MKI67: variants seen among roughly 807,000 people sequenced by gnomAD.
MKI67 encodes marker of proliferation Ki-67, also known as proliferation marker protein Ki-67.
A neutral mutation model predicts 233.5 loss-of-function variants in MKI67; 152 were observed. The ratio of observed to expected loss-of-function variants is 0.65; its 90% CI spans 0.57 to 0.74. The LOEUF (loss-of-function observed/expected upper bound fraction) is 0.74, where lower values mean the gene tolerates loss of function less well. Ranked by LOEUF, MKI67 falls within the 30% of genes least tolerant of loss-of-function variation. The pLI, the probability that MKI67 is intolerant of heterozygous loss-of-function variation, is 0.00. For missense variants in MKI67, 3,940 were observed against 3,885.2 expected, an observed-to-expected ratio of 1.01 and a Z score of -0.37; for synonymous variants, 1,465 against 1,418.5, an observed-to-expected ratio of 1.03 and a Z score of -0.74.
At chr10:128,109,575 A>C in intron 12 of MKI67, 152 bp from the exon 13 acceptor site, 1 of 840,192 alleles carries the variant, frequency 1.2e-6, no homozygotes, top group Non-Finnish European at 1.8e-6. Flanking sequence ...AATCTGTCTT[A>C]TAAGAGCCAT....
intron 6 of MKI67, 27 bp downstream of exon 6, chr10:128,116,464 C>A (rs745855630): frequency 5.0e-6 from 8 of 1,608,226 alleles, no homozygotes; most frequent in Non-Finnish European, 6.8e-6. Flanking sequence ...TTTCAGGATT[C>A]TGGAACAAAA....
At chr10:128,124,292 T>G (rs1853011487) in intron 2 of MKI67, among the ~76,000 whole-genome samples, 1 of 152,140 alleles carries the variant, frequency 6.6e-6, no homozygotes, top group Non-Finnish European at 1.5e-5. Flanking sequence ...AACTGAGAAT[T>G]TGTTTGGCAG....
rs993905837 is a variant in MKI67 at position 128,115,256 on chromosome 10, C to A, written c.1152G>T (p.Lys384Asn). 3.7e-6 allele frequency: 6 copies of A among 1,614,208 alleles called. No individual in the cohort carries two copies. The highest frequency in any genetic ancestry group is 4.2e-6 in the Non-Finnish European group (5 of 1,180,026). The stretch of plus-strand genomic sequence containing the variant: ...TGGGAGTAAGAGTTTTATCACCAGC[C>A]TTGAAGCCTTCACTTTTACCCAGAT... Reference protein sequence around the residue: ...SVNLGKSEGFKAGDKTLTPRK... With the variant: ...SVNLGKSEGFNAGDKTLTPRK... The change falls in exon 7 of 15, where the codon AAG (lysine) becomes AAT (asparagine). Residue 384 changes from lysine to asparagine, a missense_variant. Lys to Asn is a moderately conservative substitution (Grantham distance 94). Transcript: ENST00000368654.
rs1036531634 is a variant in MKI67 at position 128,125,750 on chromosome 10, T to C, written c.-83A>G. 5 of 1,144,994 alleles carry C rather than the reference T, an allele frequency of 4.4e-6. No individual in the cohort carries two copies. The highest frequency in any genetic ancestry group is 6.6e-6 in the Non-Finnish European group (5 of 755,004). 70.9% of individuals were successfully genotyped at this position (1,144,994 alleles called of 1,614,324 possible). ...GGAAGGCCAGAAGCAAATTTACAAC[T>C]CTTCCACTGCAAAAGAGGTGCGAGT... On this transcript the variant is annotated 5_prime_UTR_variant, in exon 2 of 15. Coordinates refer to ENST00000368654, the MANE Select transcript of MKI67 (RefSeq NM_002417.5). This position sits in a 1 kb window ranked among gnomAD's most constrained non-coding sequence, Gnocchi z 5.3.
chr10:128,106,427 T>C lies in MKI67; in HGVS notation c.5413A>G (p.Lys1805Glu). 6.2e-7 allele frequency: 1 copy of C among 1,613,546 alleles called. No individual in the cohort carries two copies. Among genetic ancestry groups the C allele is most frequent in the East Asian group, 2.2e-5 (1 of 44,806 alleles). Residue 1805 changes from lysine to glutamate, a missense_variant, in exon 13 of 15, where the codon AAA becomes GAA. Transcript: ENST00000368654. ...INTFLGTPVQ[K>E]LDQPGNLPGS... The stretch of plus-strand genomic sequence containing the variant: ...GGTAAATTTCCTGGCTGGTCCAGTT[T>C]CTGCACTGGAGTTCCCAAAAACGTG...
chr10:128,108,342 T>A lies in MKI67; in HGVS notation c.3498A>T (p.Leu1166=). ...VEEEFLALRK[L]TPSAGKAMLT... ...GCATGGCTTTCCCTGCTGATGGTGT[T>A]AGTTTCCTGAGTGCTAAGAATTCTT... Residue 1166 remains leucine (L), a synonymous_variant, in exon 13 of 15, where the codon CTA becomes CTT. Coordinates refer to ENST00000368654, the MANE Select transcript of MKI67 (RefSeq NM_002417.5). 1 of 1,614,122 alleles carries A rather than the reference T, an allele frequency of 6.2e-7. No homozygotes were observed. The highest frequency in any genetic ancestry group is 1.1e-5 in the South Asian group (1 of 91,084).
Position 128,115,137 on chromosome 10 carries a change from C to T in MKI67, c.1271G>A (p.Gly424Glu). 1.2e-6 allele frequency: 2 copies of T among 1,614,218 alleles called. No individual in the cohort carries two copies. Among genetic ancestry groups the T allele is most frequent in the Non-Finnish European group, 1.7e-6 (2 of 1,180,044 alleles). ...KPENLSSKTR[G>E]SIPTDVEVLP... The stretch of plus-strand genomic sequence containing the variant: ...AACTTCCACATCTGTAGGAATACTT[C>T]CTCTGGTTTTGGAAGAGAGATTTTC... The change falls in exon 7 of 15, where the codon GGA (glycine) becomes GAA (glutamate). Residue 424 changes from glycine to glutamate, a missense_variant. Gly to Glu is a moderately conservative substitution (Grantham distance 98). Transcript: ENST00000368654.
chr10:128,097,459 A>G lies in MKI67; in HGVS notation c.*1731T>C, dbSNP rs1308560658. ...AGAAAAGGTGCTGACATACTTCAGCAAGATTTCTGGTTAGAGCTGAACTCT... is the reference window on the plus strand; with the variant it reads ...AGAAAAGGTGCTGACATACTTCAGCGAGATTTCTGGTTAGAGCTGAACTCT... On this transcript the variant is annotated 3_prime_UTR_variant, in exon 15 of 15. Transcript: ENST00000368654. 6.6e-6 allele frequency: 1 copy of G among 152,186 alleles called. No individual in the cohort carries two copies. The highest frequency in any genetic ancestry group is 1.5e-5 in the Non-Finnish European group (1 of 68,032). The allele number at this position is 152,186 out of a possible 1,614,324, so 9.4% of individuals were successfully genotyped here. A position where few individuals can be genotyped will look rare whatever the true frequency, so the allele number is the denominator to read the frequency against.
In MKI67 at chr10:128,103,568, C is replaced by T. The variant is rs1852396757; in HGVS notation, c.8272G>A (p.Gly2758Ser). The T allele has an allele frequency of 6.2e-7, 1 of 1,614,022 alleles. No individual in the cohort carries two copies. Among genetic ancestry groups the T allele is most frequent in the South Asian group, 1.1e-5 (1 of 91,080 alleles). The change falls in exon 13 of 15, where the codon GGT becomes AGT. Residue 2758 changes from glycine (G) to serine (S), a missense_variant. Coordinates refer to ENST00000368654, the MANE Select transcript of MKI67 (RefSeq NM_002417.5). ...ETTDADKEPA[G>S]EDKGIKALKE... is the part of the protein sequence containing the mutation. The stretch of plus-strand genomic sequence containing the variant: ...AATGCTTTGATGCCTTTATCTTCAC[C>T]TGCTGGTTCTTTGTCTGCATCCGTG...
rs1430549923 is a variant in MKI67, at chr10:128,097,463, T to C, written c.*1727A>G. 1 of 152,184 alleles carries C rather than the reference T, an allele frequency of 6.6e-6. No individual in the cohort carries two copies. The highest frequency in any genetic ancestry group is 1.5e-5 in the Non-Finnish European group (1 of 68,034). The allele number at this position is 152,184 out of a possible 1,614,324, so 9.4% of individuals were successfully genotyped here. ...AAGGTGCTGACATACTTCAGCAAGA[T>C]TTCTGGTTAGAGCTGAACTCTAAAG... On this transcript the variant is annotated 3_prime_UTR_variant, in exon 15 of 15. Coordinates refer to ENST00000368654, the MANE Select transcript of MKI67 (RefSeq NM_002417.5).
chr10:128,116,415 T>G (rs1402099841), intron 6 of MKI67, 76 bp downstream of exon 6: 65 of 1,302,696 alleles, frequency 5.0e-5, no homozygotes, highest in Non-Finnish European at 6.9e-5. Flanking sequence ...GCATTCTTGT[T>G]GCCCCTTCTT....
At position 128,115,492 on chromosome 10, in the gene MKI67, G is replaced by A; in HGVS notation, c.916C>T (p.Pro306Ser). Reference sequence around the variant, plus strand: ...TCAAGCTCTTGTTCAGGTGAAGCAGGCTCTGCCACAGCGTGGCCGCTCCCA... The same window carrying A: ...TCAAGCTCTTGTTCAGGTGAAGCAGACTCTGCCACAGCGTGGCCGCTCCCA... Reference protein sequence around the residue: ...SGGSGHAVAEPASPEQELDQN... With the variant: ...SGGSGHAVAESASPEQELDQN... The change falls in exon 7 of 15, where the codon CCT becomes TCT. Residue 306 changes from proline to serine, a missense_variant. By Grantham distance (74) the Pro-to-Ser change is moderately conservative. Transcript: ENST00000368654. 1 of 1,614,090 alleles carries A rather than the reference G, an allele frequency of 6.2e-7. No homozygotes were observed. The highest frequency in any genetic ancestry group is 1.3e-5 in the African/African-American group (1 of 75,038).
rs537881013 is a variant in MKI67 at position 128,123,088 on chromosome 10, C to A, written c.171+3G>T. Reference sequence around the variant, plus strand: ...AAAGTAGATCTTCAAAAAACCCACTCACCTCCTGCTCATGGATTTCAATTT... The same window carrying A: ...AAAGTAGATCTTCAAAAAACCCACTAACCTCCTGCTCATGGATTTCAATTT... On this transcript the variant is annotated splice_donor_region_variant and intron_variant, in intron 3 of 14. Transcript: ENST00000368654. The A allele has an allele frequency of 1.6e-5, 25 of 1,612,704 alleles. No individual in the cohort carries two copies. The highest frequency in any genetic ancestry group is 5.0e-5 in the Admixed American group (3 of 59,976).
chr10:128,105,261 G>T lies in MKI67; in HGVS notation c.6579C>A (p.Asp2193Glu), dbSNP rs1380927524. Reference sequence around the variant, plus strand: ...GGAAGAGCTCTTTCAAGCCAGCCAAGTCTTCTAGGGGTTGGGCTTTTCCCT... The same window carrying T: ...GGAAGAGCTCTTTCAAGCCAGCCAATTCTTCTAGGGGTTGGGCTTTTCCCT... The part of the protein sequence containing the change: ...TPKGKAQPLE[D>E]LAGLKELFQT... The change falls in exon 13 of 15, where the codon GAC becomes GAA. Residue 2193 changes from aspartate (D) to glutamate (E), a missense_variant. Transcript: ENST00000368654. 1.9e-6 allele frequency: 3 copies of T among 1,613,952 alleles called. No individual in the cohort carries two copies. In the African/African-American group the frequency reaches 4.0e-5, roughly 22 times the overall value.
rs1331681732 is a variant in MKI67, at chr10:128,115,695, CA to C, written c.712del (p.Trp238GlyfsTer7). ...DNSKKNESPF[W>X]KLYESVKKEL... ...TTTCTTCACTGACTCATAAAGCTTC[CA>C]AAAGGGAGATTCATTTTTTTTGCTA... is the stretch of plus-strand genomic sequence containing the variant. On this transcript the variant is annotated frameshift_variant, in exon 7 of 15. Transcript: ENST00000368654. LOFTEE classifies it high-confidence loss of function. The C allele has an allele frequency of 1.9e-6, 3 of 1,613,848 alleles. No individual in the cohort carries two copies. Among genetic ancestry groups the C allele is most frequent in the Non-Finnish European group, 2.5e-6 (3 of 1,180,000 alleles).
intron 13 of MKI67, among the ~76,000 whole-genome samples, chr10:128,102,162 T>A (rs767660864): frequency 1.3e-5 from 2 of 152,188 alleles, no homozygotes; most frequent in Non-Finnish European, 2.9e-5. Flanking sequence ...CAGTTTCCCC[T>A]TCTCAAGAAT....
At position 128,108,116 on chromosome 10, in the gene MKI67, C is replaced by T. The variant is rs769131854; in HGVS notation, c.3724G>A (p.Ala1242Thr). The T allele has an allele frequency of 6.2e-7, 1 of 1,612,502 alleles. No homozygotes were observed. Among genetic ancestry groups the T allele is most frequent in the South Asian group, 1.1e-5 (1 of 91,010 alleles). The part of the protein sequence containing the change: ...QTPGHTEELV[A>T]AGKTTKIPCD... ...GGTATTTTAGTGGTTTTACCAGCAG[C>T]CACTAATTCCTCGGTGTGACCAGGA... Residue 1242 changes from alanine to threonine, a missense_variant, in exon 13 of 15, where the codon GCT (alanine) becomes ACT (threonine). Transcript: ENST00000368654.
chr10:128,119,160 G>T, intron 5 of MKI67, 93 bp downstream of exon 5: 2 of 934,192 alleles, frequency 2.1e-6, no homozygotes. Flanking sequence ...CACCCTCTTT[G>T]TAACTGATTT....
intron 13 of MKI67, 143 bp from the exon 14 acceptor site, chr10:128,101,844 C>T: frequency 2.9e-6 from 2 of 682,102 alleles, no homozygotes; most frequent in Non-Finnish European, 4.8e-6. Flanking sequence ...AGAGACTTGT[C>T]ATCTAGGATA....
Sources: gnomAD v4.1 joint callset for allele counts (sites outside exome capture counted in the v4.1 genomes callset) on GRCh38, gnomAD v4.1.1 for gene constraint, Gnocchi (gnomAD v3.1) non-coding constraint, MANE v1.5 for transcripts, NCBI Gene and HGNC (gene_info 2026-07-23, HGNC 2026-07-21) for gene names.